INTS8: variants seen among roughly 807,000 people sequenced by gnomAD.
The protein encoded by INTS8 is protein kaonashi-1.
A neutral mutation model predicts 138.9 loss-of-function variants in INTS8; 47 were observed. The ratio of observed to expected loss-of-function variants is 0.34; its 90% CI spans 0.27 to 0.43. INTS8 has a LOEUF of 0.43. Ranked by LOEUF, INTS8 falls within the 20% of genes least tolerant of loss-of-function variation. The pLI, the probability that INTS8 is intolerant of heterozygous loss-of-function variation, is 1.00. For missense variants in INTS8, 996 were observed against 1,173.0 expected, an observed-to-expected ratio of 0.85 and a Z score of 2.20; for synonymous variants, 392 against 400.9, an observed-to-expected ratio of 0.98 and a Z score of 0.27.
At chr8:94,842,232 C>A in intron 9 of INTS8, 115 bp from the exon 10 acceptor site, 3 of 602,720 alleles carry the variant, frequency 5.0e-6, no homozygotes, top group Non-Finnish European at 8.1e-6. Flanking sequence ...CTTGAATATT[C>A]TAAAATCTTA....
chr8:94,833,885 C>T (rs1282805342), intron 6 of INTS8, among the ~76,000 whole-genome samples: 2 of 152,162 alleles, frequency 1.3e-5, no homozygotes, highest in Non-Finnish European at 2.9e-5. Flanking sequence ...AATTCTCCTG[C>T]CTCAGCCTCC....
chr8:94,869,043 C>T (rs962628652), intron 20 of INTS8, among the ~76,000 whole-genome samples: 5 of 143,952 alleles, frequency 3.5e-5, no homozygotes, highest in Non-Finnish European at 6.0e-5. Context: ...AGTGCAGTGG[C>T]GCAATCTCGG....
intron 12 of INTS8, 58 bp downstream of exon 12, chr8:94,850,149 T>A: frequency 8.5e-7 from 1 of 1,172,720 alleles, no homozygotes; most frequent in Non-Finnish European, 1.2e-6. Context: ...CTATTCAAAT[T>A]AACCTTGAAA....
intron 17 of INTS8, 40 bp from the exon 18 acceptor site, chr8:94,866,118 T>A: frequency 2.4e-6 from 2 of 828,990 alleles, no homozygotes; most frequent in South Asian, 3.2e-5. Flanking sequence ...ATTTTTTATT[T>A]CTAATATTAA....
At chr8:94,823,765 C>T (rs1488385221) in intron 1 of INTS8, among the ~76,000 whole-genome samples, 1 of 152,238 alleles carries the variant, frequency 6.6e-6, no homozygotes, top group East Asian at 1.9e-4. Context: ...GGCTCTCCTA[C>T]CCCCGGAGGG....
At chr8:94,837,557 CT>C (rs58772573) in intron 7 of INTS8, among the ~76,000 whole-genome samples, 3,647 of 147,650 alleles carry the variant, frequency 0.025, 118 homozygotes, top group African/African-American at 0.083. Context: ...TTTTTTCAAA[CT>C]TTTTTTTTTT....
At chr8:94,852,714 G>A (rs1025943138) in intron 13 of INTS8, among the ~76,000 whole-genome samples, 34 of 151,556 alleles carry the variant, frequency 2.2e-4, no homozygotes, top group Non-Finnish European at 4.4e-5. Flanking sequence ...TCAGCCTCCC[G>A]AGTAGCTGGG....
chr8:94,874,561 C>T lies in INTS8; in HGVS notation c.2647C>T (p.Arg883Ter), dbSNP rs755100105. 3 of 1,573,870 alleles carry T rather than the reference C, an allele frequency of 1.9e-6. No individual in the cohort carries two copies. The highest frequency in any genetic ancestry group is 1.7e-6 in the Non-Finnish European group (2 of 1,144,574). Residue 883 changes from arginine to a stop codon, truncating the protein, a stop_gained, in exon 23 of 27, where the codon CGA becomes TGA. Coordinates refer to ENST00000523731, the MANE Select transcript of INTS8 (RefSeq NM_017864.4). LOFTEE classifies it high-confidence loss of function. ...PDVYTDQVIK[R>*]MIKCCSLLNC... ...AATTTTGCTTTTGTAGGTAATAAAA[C>T]GAATGATAAAATGTTGTTCTTTGCT...
chr8:94,836,470 C>T, intron 6 of INTS8, 54 bp from the exon 7 acceptor site: 5 of 1,375,454 alleles, frequency 3.6e-6, no homozygotes, highest in South Asian at 2.4e-5. Flanking sequence ...GGTTCTGTCA[C>T]CTCTTAAGTA....
chr8:94,867,300 G>A lies in INTS8; in HGVS notation c.2377G>A (p.Ala793Thr). The part of the protein sequence containing the change: ...VREDIVNDIT[A>T]EHISIWPSSI... ...GGAGGACATTGTGAATGATATTACA[G>A]CTGAACACATTTCTATTTGGCCATC... is the stretch of plus-strand genomic sequence containing the variant. Residue 793 changes from alanine to threonine, a missense_variant, in exon 20 of 27, where the codon GCT becomes ACT. Coordinates refer to ENST00000523731, the MANE Select transcript of INTS8 (RefSeq NM_017864.4). 6.2e-7 allele frequency: 1 copy of A among 1,612,096 alleles called. No individual in the cohort carries two copies. The highest frequency in any genetic ancestry group is 1.7e-5 in the Admixed American group (1 of 59,920).
chr8:94,831,852 C>T, intron 5 of INTS8, 140 bp from the exon 6 acceptor site: 1 of 537,572 alleles, frequency 1.9e-6, no homozygotes. Context: ...TTTATTTCAA[C>T]AAATGTAATT....
rs1816761520 is a variant in INTS8 at position 94,880,394 on chromosome 8, A to C, written c.*160A>C. The C allele has an allele frequency of 6.2e-6, 3 of 484,918 alleles. No homozygotes were observed. Among genetic ancestry groups the C allele is most frequent in the Non-Finnish European group, 1.1e-5 (3 of 272,432 alleles). 30.0% of individuals were successfully genotyped at this position (484,918 alleles called of 1,614,324 possible). A position where few individuals can be genotyped will look rare whatever the true frequency, so the allele number is the denominator to read the frequency against. The stretch of plus-strand genomic sequence containing the variant: ...TTAGTTTAAAAACAAACTATACAGA[A>C]GACTTCATACCGTAACAATAAATGT... On this transcript the variant is annotated 3_prime_UTR_variant, in exon 27 of 27. Transcript: ENST00000523731.
intron 21 of INTS8, among the ~76,000 whole-genome samples, chr8:94,872,921 C>G (rs1333162798): frequency 1.3e-5 from 2 of 152,114 alleles, no homozygotes; most frequent in Non-Finnish European, 2.9e-5. Context: ...GGTCTACCAC[C>G]CAGCTACTAA....
chr8:94,867,369 T>C, intron 20 of INTS8, 32 bp downstream of exon 20: 1 of 1,525,350 alleles, frequency 6.6e-7, no homozygotes, highest in South Asian at 1.2e-5. Context: ...ATTTTATTAA[T>C]TGAGTTATGT....
intron 15 of INTS8, among the ~76,000 whole-genome samples, 163 bp downstream of exon 15, chr8:94,857,141 C>T (rs886508329): frequency 4.5e-4 from 66 of 146,252 alleles, no homozygotes; most frequent in Middle Eastern, 3.8e-3. Context: ...GGCGCGATCT[C>T]GGCCCACTGC....
intron 26 of INTS8, 117 bp from the exon 27 acceptor site, chr8:94,880,001 G>C: frequency 2.9e-6 from 2 of 690,326 alleles, no homozygotes; most frequent in Non-Finnish European, 5.1e-6. Context: ...CAGTTAAGAG[G>C]TTCAGTTAAT....
chr8:94,871,312 C>CAA (rs777906965), intron 20 of INTS8, among the ~76,000 whole-genome samples: 1 of 138,826 alleles, frequency 7.2e-6, no homozygotes, highest in South Asian at 2.4e-4. Flanking sequence ...ACTAAAAATA[C>CAA]AAAAAAAAAA....
At chr8:94,877,053 C>G (rs2131080445) in intron 26 of INTS8, among the ~76,000 whole-genome samples, 1 of 152,308 alleles carries the variant, frequency 6.6e-6, no homozygotes, top group African/African-American at 2.4e-5. Context: ...CAACATCTAA[C>G]ATACTGTATA....
At chr8:94,863,954 G>A (rs990043423) in intron 16 of INTS8, among the ~76,000 whole-genome samples, 4 of 152,022 alleles carry the variant, frequency 2.6e-5, no homozygotes, top group Non-Finnish European at 5.9e-5. Flanking sequence ...CACGAGCTTC[G>A]GAAAGCCACA....
Sources: gnomAD v4.1 joint callset for allele counts (sites outside exome capture counted in the v4.1 genomes callset) on GRCh38, gnomAD v4.1.1 for gene constraint, MANE v1.5 for transcripts, NCBI Gene and HGNC (gene_info 2026-07-23, HGNC 2026-07-21) for gene names.